The following GRID2 variants were observed in gnomAD, a reference collection of about 807,000 sequenced individuals.
GRID2 encodes glutamate ionotropic receptor delta type subunit 2.
Under a neutral mutation model 114.8 loss-of-function variants are expected in GRID2, and 33 were observed. The ratio of observed to expected loss-of-function variants is 0.29; its 90% confidence interval spans 0.22 to 0.38. The LOEUF (loss-of-function observed/expected upper bound fraction) is 0.38, where lower values mean the gene tolerates loss of function less well. GRID2 is among the 10% of genes least tolerant of loss of function. The probability of loss-of-function intolerance (pLI) is 1.00; values close to 1 mark genes in which losing one functional copy is unlikely to be tolerated. For missense variants in GRID2, 1,184 were observed against 1,257.7 expected, an observed-to-expected ratio of 0.94 and a Z score of 0.89; for synonymous variants, 505 against 449.9, an observed-to-expected ratio of 1.12 and a Z score of -1.55.
chr4:93,777,139 C>A (rs1734385467), downstream of GRID2, among the ~76,000 whole-genome samples: 2 of 152,156 alleles, frequency 1.3e-5, no homozygotes, highest in African/African-American at 4.8e-5. Flanking sequence ...CCCACACATA[C>A]CTCCAGGAGA....
intron 13 of GRID2, among the ~76,000 whole-genome samples, chr4:93,573,215 T>C (rs1035443786): frequency 1.3e-4 from 20 of 152,202 alleles, no homozygotes; most frequent in Admixed American, 6.5e-4. Flanking sequence ...CATATCCCAT[T>C]ATCTTTCATC....
At chr4:93,133,161 GTCTC>G (rs146709791) in intron 4 of GRID2, among the ~76,000 whole-genome samples, 4 of 151,232 alleles carry the variant, frequency 2.6e-5, no homozygotes, top group Non-Finnish European at 4.4e-5. Flanking sequence ...CTCTCTCTCG[GTCTC>G]TCTCTCTCTC....
At chr4:92,923,776 A>G (rs947210313) in intron 2 of GRID2, among the ~76,000 whole-genome samples, 1 of 152,144 alleles carries the variant, frequency 6.6e-6, no homozygotes, top group Admixed American at 6.6e-5. Context: ...CAATACAGAG[A>G]CTGCGACATT....
At chr4:93,666,726 T>C (rs1379554017) in intron 14 of GRID2, among the ~76,000 whole-genome samples, 1 of 152,064 alleles carries the variant, frequency 6.6e-6, no homozygotes, top group Non-Finnish European at 1.5e-5. Flanking sequence ...AGTCTCTGGA[T>C]CTTACATGAA....
At chr4:92,368,818 T>C (rs1728988263) in intron 1 of GRID2, among the ~76,000 whole-genome samples, 1 of 151,816 alleles carries the variant, frequency 6.6e-6, no homozygotes, top group Non-Finnish European at 1.5e-5. Context: ...AGAATTCTAA[T>C]AAAGTCAAGA....
rs376747258 is a variant in GRID2 at position 93,304,738 on chromosome 4, G to A, written c.1245+66248G>A. Among the ~76,000 whole-genome samples, 25 of 152,196 alleles carry A rather than the reference G, an allele frequency of 1.6e-4. No homozygotes were observed. The East Asian group carries it at 3.3e-3, about 20-fold the overall frequency. ...AACAAAACAGCATGCTTATTGCTTT[G>A]TGTGTAATAGGTAGCAAATATTTTT... On this transcript the variant is annotated intron_variant, in intron 8 of 15. Transcript: ENST00000282020.
At chr4:93,478,815 T>G (rs1042838577) in intron 11 of GRID2, among the ~76,000 whole-genome samples, 1 of 152,088 alleles carries the variant, frequency 6.6e-6, no homozygotes, top group Admixed American at 6.6e-5. Flanking sequence ...ATAATGCCTA[T>G]GACATGTAAA....
chr4:93,725,949 T>C (rs1331820963), intron 14 of GRID2, among the ~76,000 whole-genome samples: 1 of 152,214 alleles, frequency 6.6e-6, no homozygotes, highest in Non-Finnish European at 1.5e-5. Context: ...TTCACTCTGA[T>C]GGTAGTTTCT....
chr4:92,847,803 C>A (rs916781498), intron 2 of GRID2, among the ~76,000 whole-genome samples: 1 of 151,798 alleles, frequency 6.6e-6, no homozygotes, highest in African/African-American at 2.4e-5. Flanking sequence ...GGCAAACGAA[C>A]AAATCGTGTT....
chr4:92,703,414 T>A (rs1734779288), intron 2 of GRID2, among the ~76,000 whole-genome samples: 1 of 151,950 alleles, frequency 6.6e-6, no homozygotes, highest in Non-Finnish European at 1.5e-5. Context: ...ATATGAACTA[T>A]TAGGGCTTTA....
rs531222088 is a variant in GRID2, at chr4:92,749,549, G to A, written c.244+159263G>A. Among the ~76,000 whole-genome samples the A allele has an allele frequency of 3.9e-5, 6 of 152,122 alleles. No individual in the cohort carries two copies. The East Asian group carries it at 5.8e-4, about 15-fold the overall frequency. ...AAGATGGTCTCCATCTCTTGACCTC[G>A]TGATCCGCCCGCCTCGGCCTCCCAA... On this transcript the variant is annotated intron_variant, in intron 2 of 15. Coordinates refer to ENST00000282020, the MANE Select transcript of GRID2 (RefSeq NM_001510.4).
At chr4:93,332,000 C>G (rs1445416129) in intron 8 of GRID2, among the ~76,000 whole-genome samples, 2 of 152,050 alleles carry the variant, frequency 1.3e-5, no homozygotes, top group South Asian at 2.1e-4. Flanking sequence ...CTTACAAGAG[C>G]CCCTTCAGGG....
intron 10 of GRID2, among the ~76,000 whole-genome samples, chr4:93,444,392 C>A (rs1009585829): frequency 2.6e-5 from 4 of 151,874 alleles, no homozygotes; most frequent in Non-Finnish European, 4.4e-5. Context: ...AACAGTGTAG[C>A]AATAAGGCTT....
At chr4:92,512,726 T>C (rs116385116) in intron 1 of GRID2, among the ~76,000 whole-genome samples, 1,533 of 151,958 alleles carry the variant, frequency 0.01, 23 homozygotes, top group African/African-American at 0.035. Context: ...CCTTAATAGA[T>C]ATTTTAGCTT....
At chr4:93,055,039 TATC>T (rs1340391584) in intron 2 of GRID2, among the ~76,000 whole-genome samples, 2 of 151,940 alleles carry the variant, frequency 1.3e-5, no homozygotes, top group South Asian at 2.1e-4. Flanking sequence ...AATGCCAAGT[TATC>T]ATCCACATAG....
Position 92,996,994 on chromosome 4 carries a change from A to G in GRID2, c.245-88001A>G, listed in dbSNP as rs1456581751. 2.0e-5 allele frequency among the ~76,000 whole-genome samples: 3 copies of G among 152,196 alleles called. No individual in the cohort carries two copies. The East Asian group carries it at 5.8e-4, about 29-fold the overall frequency. On this transcript the variant is annotated intron_variant, in intron 2 of 15. Transcript: ENST00000282020. Reference sequence around the variant, plus strand: ...TGTTGCTAAAACTCTGAAAGCCTTGAAAGAGGTTTATCCATCATACGTTAG... The same window carrying G: ...TGTTGCTAAAACTCTGAAAGCCTTGGAAGAGGTTTATCCATCATACGTTAG...
intron 2 of GRID2, among the ~76,000 whole-genome samples, chr4:92,998,768 A>G (rs949687092): frequency 1.3e-5 from 2 of 151,810 alleles, no homozygotes; most frequent in African/African-American, 2.4e-5. Context: ...CTAAAACCCA[A>G]TAAGCTCACT....
At chr4:93,334,460 T>C (rs1758822044) in intron 8 of GRID2, among the ~76,000 whole-genome samples, 1 of 152,196 alleles carries the variant, frequency 6.6e-6, no homozygotes, top group African/African-American at 2.4e-5. Flanking sequence ...TTTATATGGA[T>C]CACTAAACTA....
intron 1 of GRID2, among the ~76,000 whole-genome samples, chr4:92,318,075 G>A (rs1013851617): frequency 6.6e-6 from 1 of 151,686 alleles, no homozygotes; most frequent in Non-Finnish European, 1.5e-5. Context: ...TCCTGTTGAT[G>A]GTATATTATA....
Sources: gnomAD v4.1 joint callset for allele counts (sites outside exome capture counted in the v4.1 genomes callset) on GRCh38, gnomAD v4.1.1 for gene constraint, MANE v1.5 for transcripts, NCBI Gene and HGNC (gene_info 2026-07-23, HGNC 2026-07-21) for gene names.